CTNNA3: variants seen among roughly 807,000 people sequenced by gnomAD.
CTNNA3 encodes catenin alpha-3.
CTNNA3 carries 76 observed loss-of-function variants against 95.7 expected under a neutral mutation model. The observed-to-expected ratio is 0.79, with a 90% confidence interval of 0.66 to 0.96. The LOEUF is 0.96. Ranked by LOEUF, CTNNA3 falls within the 40% of genes least tolerant of loss-of-function variation. The pLI, the probability that CTNNA3 is intolerant of heterozygous loss-of-function variation, is 0.00. For synonymous variants in CTNNA3, 431 were observed against 374.4 expected, an observed-to-expected ratio of 1.15 and a Z score of -1.74; for missense variants, 1,191 against 1,089.8, an observed-to-expected ratio of 1.09 and a Z score of -1.31.
intron 5 of CTNNA3, among the ~76,000 whole-genome samples, chr10:67,303,484 G>T (rs890814049): frequency 2.0e-4 from 31 of 152,134 alleles, no homozygotes; most frequent in Non-Finnish European, 3.4e-4. Flanking sequence ...GAGGAGATCC[G>T]GCATGCAGGC....
intron 9 of CTNNA3, among the ~76,000 whole-genome samples, chr10:66,726,343 C>T (rs1848780851): frequency 6.6e-6 from 1 of 152,020 alleles, no homozygotes; most frequent in African/African-American, 2.4e-5. Flanking sequence ...AAGCCAATAT[C>T]TCGCCAACTT....
At chr10:66,742,733 C>T (rs1849369914) in intron 9 of CTNNA3, among the ~76,000 whole-genome samples, 1 of 152,112 alleles carries the variant, frequency 6.6e-6, no homozygotes, top group African/African-American at 2.4e-5. Flanking sequence ...ACCCAATACA[C>T]CAGGATTCTC....
At chr10:66,261,380 G>A (rs757964197) in intron 13 of CTNNA3, among the ~76,000 whole-genome samples, 1 of 151,852 alleles carries the variant, frequency 6.6e-6, no homozygotes, top group African/African-American at 2.4e-5. Flanking sequence ...TAGTCCTTAT[G>A]TTATATTCCT....
chr10:67,222,804 CTTTA>C (rs1307976861), intron 5 of CTNNA3, among the ~76,000 whole-genome samples: 1 of 152,148 alleles, frequency 6.6e-6, no homozygotes, highest in Non-Finnish European at 1.5e-5. Context: ...CATTATGCTT[CTTTA>C]TTTAGAAGGA....
At chr10:67,527,049 G>A (rs1212602435) in intron 4 of CTNNA3, among the ~76,000 whole-genome samples, 1 of 152,152 alleles carries the variant, frequency 6.6e-6, no homozygotes, top group Non-Finnish European at 1.5e-5. Context: ...TTGAGGTCAG[G>A]AGTTCGAGAC....
chr10:66,448,186 G>A (rs1234832409), intron 11 of CTNNA3, among the ~76,000 whole-genome samples: 3 of 152,030 alleles, frequency 2.0e-5, no homozygotes, highest in Middle Eastern at 3.2e-3. Flanking sequence ...AACAGGTGCT[G>A]GAGAGGATGT....
chr10:66,382,052 G>A (rs560937771), intron 11 of CTNNA3, among the ~76,000 whole-genome samples: 30 of 152,268 alleles, frequency 2.0e-4, no homozygotes, highest in African/African-American at 7.0e-4. Context: ...TCCAACTGAA[G>A]TACCTGGTTC....
chr10:67,563,877 C>T (rs528415100), intron 3 of CTNNA3, among the ~76,000 whole-genome samples: 1 of 137,826 alleles, frequency 7.3e-6, no homozygotes, highest in African/African-American at 2.7e-5. Flanking sequence ...ATGCAGCCAA[C>T]AGACACATGA....
intron 8 of CTNNA3, among the ~76,000 whole-genome samples, chr10:66,772,074 T>C (rs899097664): frequency 3.9e-5 from 6 of 152,024 alleles, no homozygotes; most frequent in African/African-American, 1.2e-4. Flanking sequence ...GCAAGTGTAT[T>C]TGAGCGGGAG....
At chr10:67,655,782 C>CAAAA (rs11291979) in intron 1 of CTNNA3, among the ~76,000 whole-genome samples, 5 of 95,288 alleles carry the variant, frequency 5.2e-5, no homozygotes, top group Admixed American at 1.1e-4. Flanking sequence ...GACTCCGTCT[C>CAAAA]AAAAAAAAAA....
chr10:67,643,169 T>C (rs1262301769), intron 2 of CTNNA3, among the ~76,000 whole-genome samples: 2 of 152,166 alleles, frequency 1.3e-5, no homozygotes, highest in Admixed American at 1.3e-4. Flanking sequence ...ACGTCCTTTG[T>C]AGGGACATGG....
rs147668244 is a variant in CTNNA3 at position 66,356,067 on chromosome 10, A to G, written c.1732+23085T>C. Among the ~76,000 whole-genome samples the G allele has an allele frequency of 2.7e-5, 4 of 149,232 alleles. No homozygotes were observed. In the East Asian group the frequency reaches 8.0e-4, roughly 30 times the overall value. Reference sequence around the variant, plus strand: ...TCACTCTTAATTACTATAGTTTTATAGTGCAAGTCTCAAAATCAGGTACAG... The same window carrying G: ...TCACTCTTAATTACTATAGTTTTATGGTGCAAGTCTCAAAATCAGGTACAG... On this transcript the variant is annotated intron_variant, in intron 12 of 17. Transcript: ENST00000433211.
intron 9 of CTNNA3, among the ~76,000 whole-genome samples, chr10:66,742,928 T>A (rs992179552): frequency 1.3e-5 from 2 of 152,224 alleles, no homozygotes; most frequent in Non-Finnish European, 2.9e-5. Flanking sequence ...ATATTTTACA[T>A]CATTTCCTCT....
chr10:66,248,700 T>C (rs1419749978), intron 13 of CTNNA3, among the ~76,000 whole-genome samples: 1 of 152,214 alleles, frequency 6.6e-6, no homozygotes, highest in East Asian at 1.9e-4. Flanking sequence ...GATATAGCAA[T>C]TGTAAGTTTA....
intron 10 of CTNNA3, among the ~76,000 whole-genome samples, chr10:66,548,987 TTTTTTTTTTTTTTTTG>T (rs1026270262): frequency 1.0e-4 from 3 of 28,620 alleles, no homozygotes; most frequent in African/African-American, 2.7e-4. Context: ...CCATTTTTTT[TTTTTTTTTTTTTTTTG>T]TTTGAGACGG....
At chr10:66,213,776 A>G (rs934473588) in intron 13 of CTNNA3, among the ~76,000 whole-genome samples, 1 of 152,172 alleles carries the variant, frequency 6.6e-6, no homozygotes, top group Non-Finnish European at 1.5e-5. Context: ...TTCTCAATTC[A>G]CATTAATGCG....
At position 66,695,918 on chromosome 10, in the gene CTNNA3, G is replaced by A. The variant is rs372486313; in HGVS notation, c.1281+70346C>T. 2.1e-5 allele frequency among the ~76,000 whole-genome samples: 3 copies of A among 141,884 alleles called. No individual in the cohort carries two copies. In the Admixed American group the frequency reaches 2.1e-4, roughly 10 times the overall value. The allele number at this position is 141,884 out of a possible 152,430, so 93.1% of individuals were successfully genotyped here. On this transcript the variant is annotated intron_variant, in intron 9 of 17. Coordinates refer to ENST00000433211, the MANE Select transcript of CTNNA3 (RefSeq NM_013266.4). Reference sequence around the variant, plus strand: ...AAAAATTGGGTGAAAGAGACGTAAGGGGGGGGGGCAATAAAAATGTATTTT... The same window carrying A: ...AAAAATTGGGTGAAAGAGACGTAAGAGGGGGGGGCAATAAAAATGTATTTT...
At chr10:66,701,202 T>C (rs1338200096) in intron 9 of CTNNA3, among the ~76,000 whole-genome samples, 1 of 152,068 alleles carries the variant, frequency 6.6e-6, no homozygotes, top group African/African-American at 2.4e-5. Context: ...TGGACTCTAG[T>C]CATTTCTATT....
At chr10:67,422,108 A>G (rs1052011036) in intron 5 of CTNNA3, among the ~76,000 whole-genome samples, 6 of 152,180 alleles carry the variant, frequency 3.9e-5, no homozygotes, top group Non-Finnish European at 8.8e-5. Context: ...CTAAGGGAAA[A>G]AAATTCAGTA....
Sources: allele counts gnomAD v4.1 joint callset (sites outside exome capture counted in the v4.1 genomes callset), GRCh38; gene constraint gnomAD v4.1.1; transcripts MANE v1.5; gene names NCBI Gene and HGNC (gene_info 2026-07-23, HGNC 2026-07-21).